Variants in NSMAF observed in about 807,000 individuals in gnomAD.
NSMAF encodes neutral sphingomyelinase activation associated factor, also known as protein FAN.
NSMAF carries 90 observed loss-of-function variants against 134.9 expected under a neutral mutation model. That is an observed-to-expected ratio of 0.67 (90% CI 0.56 to 0.79). The LOEUF (loss-of-function observed/expected upper bound fraction) is 0.79, where lower values mean the gene tolerates loss of function less well. Ranked by LOEUF, NSMAF falls within the 30% of genes least tolerant of loss-of-function variation. The pLI, the probability that NSMAF is intolerant of heterozygous loss-of-function variation, is 0.00. For synonymous variants in NSMAF, 358 were observed against 389.6 expected, an observed-to-expected ratio of 0.92 and a Z score of 0.96; for missense variants, 1,010 against 1,119.0, an observed-to-expected ratio of 0.90 and a Z score of 1.39.
Position 58,606,030 on chromosome 8 carries a change from C to A in NSMAF, c.765G>T (p.Leu255Phe). ...GATCATCTTCTGTGCAAAATACTTC[C>A]AAGCCCTATAAATTCAAAAAGAAAA... ...KRRHGLMPLG[L>F]EVFCTEDDLC... Residue 255 changes from leucine to phenylalanine, a missense_variant, in exon 12 of 31, where the codon TTG becomes TTT. Leu to Phe is a conservative substitution (Grantham distance 22). Coordinates refer to ENST00000038176, the MANE Select transcript of NSMAF (RefSeq NM_003580.4). 6.4e-7 allele frequency: 1 copy of A among 1,570,576 alleles called. No individual in the cohort carries two copies. The highest frequency in any genetic ancestry group is 2.3e-5 in the East Asian group (1 of 42,844).
At chr8:58,589,231 T>TA (rs1805968058) in intron 26 of NSMAF, among the ~76,000 whole-genome samples, 1 of 147,716 alleles carries the variant, frequency 6.8e-6, no homozygotes, top group Admixed American at 6.8e-5. Context: ...AATATATAAA[T>TA]ATATATTATA....
intron 6 of NSMAF, among the ~76,000 whole-genome samples, chr8:58,626,693 A>G (rs1384473348): frequency 1.3e-5 from 2 of 152,242 alleles, no homozygotes; most frequent in African/African-American, 4.8e-5. Context: ...TCTTGTTCAC[A>G]TAATGGCTTC....
intron 6 of NSMAF, among the ~76,000 whole-genome samples, chr8:58,630,990 A>G (rs1807044697): frequency 6.6e-6 from 1 of 152,200 alleles, no homozygotes; most frequent in Admixed American, 6.6e-5. Flanking sequence ...AAAGAATTAA[A>G]TTACAGAATA....
intron 9 of NSMAF, among the ~76,000 whole-genome samples, chr8:58,611,384 TA>T (rs1806525588): frequency 6.6e-6 from 1 of 151,780 alleles, no homozygotes; most frequent in South Asian, 2.1e-4. Context: ...CTACAAAAAA[TA>T]AAAAATTAGC....
chr8:58,645,010 G>A (rs1364149321), intron 1 of NSMAF, among the ~76,000 whole-genome samples: 1 of 151,764 alleles, frequency 6.6e-6, no homozygotes, highest in Non-Finnish European at 1.5e-5. Flanking sequence ...AATACCTAAT[G>A]TAGATGATGT....
intron 1 of NSMAF, among the ~76,000 whole-genome samples, chr8:58,658,587 A>G (rs1406572877): frequency 6.6e-6 from 1 of 152,220 alleles, no homozygotes; most frequent in Non-Finnish European, 1.5e-5. Flanking sequence ...TTCACTGATG[A>G]GACAACGTGA....
chr8:58,648,674 A>T (rs1274492123), intron 1 of NSMAF, among the ~76,000 whole-genome samples: 1 of 152,222 alleles, frequency 6.6e-6, no homozygotes, highest in Non-Finnish European at 1.5e-5. Context: ...TTCCACCTCC[A>T]GCCATGGCTC....
intron 1 of NSMAF, among the ~76,000 whole-genome samples, chr8:58,656,667 A>G (rs1289027126): frequency 2.0e-5 from 3 of 151,946 alleles, no homozygotes; most frequent in African/African-American, 7.3e-5. Flanking sequence ...TGTCTCTACT[A>G]AAAATACAAA....
chr8:58,619,624 T>C (rs1002301208), intron 9 of NSMAF, among the ~76,000 whole-genome samples: 4 of 152,194 alleles, frequency 2.6e-5, no homozygotes, highest in African/African-American at 9.6e-5. Context: ...CACTAAAACC[T>C]ATTGCATTCT....
chr8:58,639,626 C>T (rs1807286515), intron 2 of NSMAF, among the ~76,000 whole-genome samples: 2 of 152,054 alleles, frequency 1.3e-5, no homozygotes, highest in Admixed American at 6.6e-5. Context: ...GCAAATGGAG[C>T]CAGTATGTTG....
intron 13 of NSMAF, 62 bp downstream of exon 13, chr8:58,603,148 A>C: frequency 6.8e-7 from 1 of 1,460,612 alleles, no homozygotes; most frequent in Non-Finnish European, 9.5e-7. Context: ...TCTGTCCTTT[A>C]AAAACAATAC....
Position 58,605,926 on chromosome 8 carries a change from C to A in NSMAF, c.868+1G>T. The A allele has an allele frequency of 6.4e-7, 1 of 1,551,372 alleles. No individual in the cohort carries two copies. Among genetic ancestry groups the A allele is most frequent in the Non-Finnish European group, 8.6e-7 (1 of 1,157,482 alleles). On this transcript the variant is annotated splice_donor_variant, in intron 12 of 30. Transcript: ENST00000038176. LOFTEE classifies it high-confidence loss of function. The stretch of plus-strand genomic sequence containing the variant: ...GAAACAATGAAGGGTGAGCGCCAAA[C>A]CTAGGTATGTGGCAATGTAAAAATA...
chr8:58,639,774 G>GACAT (rs1807290354), intron 2 of NSMAF, among the ~76,000 whole-genome samples: 1 of 151,908 alleles, frequency 6.6e-6, no homozygotes, highest in Non-Finnish European at 1.5e-5. Context: ...TATAAAAATA[G>GACAT]ACATACATAC....
At chr8:58,645,070 A>G (rs1314857737) in intron 1 of NSMAF, among the ~76,000 whole-genome samples, 1 of 151,850 alleles carries the variant, frequency 6.6e-6, no homozygotes, top group Non-Finnish European at 1.5e-5. Context: ...TATGTAACAA[A>G]CCTGCACGTT....
chr8:58,654,292 A>G (rs1807651871), intron 1 of NSMAF, among the ~76,000 whole-genome samples: 1 of 152,218 alleles, frequency 6.6e-6, no homozygotes, highest in Admixed American at 6.5e-5. Context: ...TTAAACAAAC[A>G]TATTGAGTAA....
Position 58,652,959 on chromosome 8 carries a change from A to G in NSMAF, c.59+6614T>C, listed in dbSNP as rs191344238. Among the ~76,000 whole-genome samples, 70 of 152,376 alleles carry G rather than the reference A, an allele frequency of 4.6e-4. 1 individual carries two copies. The East Asian group carries it at 0.012, about 26-fold the overall frequency. ...TGACATGTAAGAAGGAATATTGAAC[A>G]AAAACAATGGTAAATATGCATGTAA... is the stretch of plus-strand genomic sequence containing the variant. On this transcript the variant is annotated intron_variant, in intron 1 of 30. Coordinates refer to ENST00000038176, the MANE Select transcript of NSMAF (RefSeq NM_003580.4).
In NSMAF at chr8:58,635,378, T is replaced by C. The variant is rs1807148126; in HGVS notation, c.229-6A>G. Reference sequence around the variant, plus strand: ...ATACAGTCTCTCAAAGGAATCTGGATAAAATTGAGAGAAATATTATAAAAA... The same window carrying C: ...ATACAGTCTCTCAAAGGAATCTGGACAAAATTGAGAGAAATATTATAAAAA... On this transcript the variant is annotated splice_polypyrimidine_tract_variant and splice_region_variant and intron_variant, in intron 3 of 30. Transcript: ENST00000038176. 1.9e-6 allele frequency: 3 copies of C among 1,597,330 alleles called. No homozygotes were observed. Among genetic ancestry groups the C allele is most frequent in the East Asian group, 2.2e-5 (1 of 44,706 alleles).
intron 6 of NSMAF, among the ~76,000 whole-genome samples, chr8:58,626,159 C>T (rs537323335): frequency 4.5e-5 from 6 of 132,538 alleles, no homozygotes; most frequent in East Asian, 4.7e-4. Flanking sequence ...AGTGCAGTGG[C>T]GCGATCTTGG....
At chr8:58,649,904 G>A (rs967572671) in intron 1 of NSMAF, among the ~76,000 whole-genome samples, 1 of 152,194 alleles carries the variant, frequency 6.6e-6, no homozygotes, top group Non-Finnish European at 1.5e-5. Flanking sequence ...TCATGCTGGG[G>A]ACTGGTGACA....
Sources: gnomAD v4.1 joint callset for allele counts (sites outside exome capture counted in the v4.1 genomes callset) on GRCh38, gnomAD v4.1.1 for gene constraint, MANE v1.5 for transcripts, NCBI Gene and HGNC (gene_info 2026-07-23, HGNC 2026-07-21) for gene names.